The following HPSE2 variants were observed in gnomAD, a reference collection of about 807,000 sequenced individuals.
HPSE2 encodes the protein inactive heparanase-2.
In HPSE2, 38 loss-of-function variants were observed where a neutral mutation model predicts 60.5. That is an observed-to-expected ratio of 0.63 (90% confidence interval 0.48 to 0.82). HPSE2 has a LOEUF of 0.82. Among genes scored for constraint, HPSE2 ranks in the 40% least tolerant of loss-of-function variants. HPSE2 has a pLI of 0.00. For synonymous variants in HPSE2, 295 were observed against 293.2 expected, an observed-to-expected ratio of 1.01 and a Z score of -0.06; for missense variants, 713 against 740.4, an observed-to-expected ratio of 0.96 and a Z score of 0.43.
At chr10:99,272,998 C>T in the HPSE2 span, among the ~76,000 whole-genome samples, 2 of 152,158 alleles carry the variant, frequency 1.3e-5, no homozygotes, top group African/African-American at 4.8e-5. Flanking sequence ...TTCAAAATTG[C>T]AAAAATATGG....
intron 3 of HPSE2, among the ~76,000 whole-genome samples, chr10:98,859,471 G>A (rs1262240677): frequency 6.6e-6 from 1 of 152,094 alleles, no homozygotes; most frequent in African/African-American, 2.4e-5. Flanking sequence ...CACATATGTG[G>A]GCAGGCATCA....
At chr10:99,029,161 C>T (rs1175287262) in intron 3 of HPSE2, among the ~76,000 whole-genome samples, 2 of 152,092 alleles carry the variant, frequency 1.3e-5, no homozygotes, top group Admixed American at 1.3e-4. Flanking sequence ...AGATTCTGCA[C>T]AGCAAAGGAT....
intron 3 of HPSE2, among the ~76,000 whole-genome samples, chr10:98,744,537 A>C (rs1949580134): frequency 6.6e-6 from 1 of 152,030 alleles, no homozygotes; most frequent in Non-Finnish European, 1.5e-5. Context: ...CAAAAACAAA[A>C]CAAAACAAAA....
chr10:98,838,305 T>C (rs930813980), intron 3 of HPSE2, among the ~76,000 whole-genome samples: 9 of 152,202 alleles, frequency 5.9e-5, no homozygotes, highest in African/African-American at 2.2e-4. Context: ...ATAGTATGTA[T>C]CTCACCTGCT....
intron 3 of HPSE2, among the ~76,000 whole-genome samples, chr10:98,825,305 C>G (rs1433449776): frequency 6.6e-6 from 1 of 151,818 alleles, no homozygotes; most frequent in African/African-American, 2.4e-5. Flanking sequence ...GAGTGTAGAG[C>G]CAAAATGTGA....
chr10:99,086,198 A>G (rs1173884689), intron 3 of HPSE2, among the ~76,000 whole-genome samples: 1 of 152,180 alleles, frequency 6.6e-6, no homozygotes, highest in Non-Finnish European at 1.5e-5. Context: ...GTTAGGACTC[A>G]GTGTTTAGCC....
At chr10:98,521,000 T>TA (rs1351468719) in intron 9 of HPSE2, among the ~76,000 whole-genome samples, 1 of 152,216 alleles carries the variant, frequency 6.6e-6, no homozygotes, top group Non-Finnish European at 1.5e-5. Flanking sequence ...CAAGATGGAT[T>TA]AAAGACTTAA....
At chr10:99,311,484 C>G in the HPSE2 span, among the ~76,000 whole-genome samples, 1 of 152,156 alleles carries the variant, frequency 6.6e-6, no homozygotes, top group Non-Finnish European at 1.5e-5. Context: ...GATCTGTAAT[C>G]AGTAATCTCT....
chr10:99,292,471 C>T, the HPSE2 span, among the ~76,000 whole-genome samples: 2 of 152,080 alleles, frequency 1.3e-5, no homozygotes, highest in African/African-American at 4.8e-5. Context: ...ACCACATGCT[C>T]GGCACTGTGG....
At chr10:98,935,499 G>C (rs910240494) in intron 3 of HPSE2, among the ~76,000 whole-genome samples, 27 of 144,070 alleles carry the variant, frequency 1.9e-4, no homozygotes. Context: ...TGTTGATTTT[G>C]TTTTTGCTTT....
chr10:99,276,691 C>T, the HPSE2 span, among the ~76,000 whole-genome samples: 1 of 152,014 alleles, frequency 6.6e-6, no homozygotes, highest in East Asian at 1.9e-4. Flanking sequence ...ATATTGAGTT[C>T]TCTGCAGAGG....
chr10:99,104,262 T>C (rs1844144768), intron 3 of HPSE2, among the ~76,000 whole-genome samples: 1 of 152,148 alleles, frequency 6.6e-6, no homozygotes, highest in African/African-American at 2.4e-5. Context: ...ATCCAGGTTC[T>C]ACAAAGAACT....
At chr10:98,891,142 T>C (rs1217908437) in intron 3 of HPSE2, among the ~76,000 whole-genome samples, 1 of 152,146 alleles carries the variant, frequency 6.6e-6, no homozygotes, top group African/African-American at 2.4e-5. Flanking sequence ...AGAGTTTCTA[T>C]TTCTCAGAAT....
intron 3 of HPSE2, among the ~76,000 whole-genome samples, chr10:98,990,606 T>C (rs1564718431): frequency 6.6e-6 from 1 of 152,232 alleles, no homozygotes; most frequent in African/African-American, 2.4e-5. Flanking sequence ...AACAATGGTC[T>C]TTACCATGAA....
intron 6 of HPSE2, among the ~76,000 whole-genome samples, chr10:98,650,032 A>G (rs1946875877): frequency 6.6e-6 from 1 of 152,252 alleles, no homozygotes; most frequent in African/African-American, 2.4e-5. Context: ...CTGCCCAGGC[A>G]GAACCTACAT....
chr10:98,941,511 C>T (rs1955000366), intron 3 of HPSE2, among the ~76,000 whole-genome samples: 1 of 142,910 alleles, frequency 7.0e-6, no homozygotes, highest in East Asian at 2.0e-4. Context: ...ACCTAGGAGT[C>T]CAACCTACAA....
At chr10:98,910,983 G>C (rs1564649879) in intron 3 of HPSE2, among the ~76,000 whole-genome samples, 1 of 152,108 alleles carries the variant, frequency 6.6e-6, no homozygotes, top group Non-Finnish European at 1.5e-5. Flanking sequence ...ACTTTCTGAT[G>C]AAGAACATAA....
intron 3 of HPSE2, among the ~76,000 whole-genome samples, chr10:98,821,040 A>C (rs922811940): frequency 6.6e-6 from 1 of 152,210 alleles, no homozygotes. Flanking sequence ...TTCAAATCTA[A>C]GTGGCCAGCT....
intron 9 of HPSE2, among the ~76,000 whole-genome samples, chr10:98,563,083 T>C (rs1385294932): frequency 2.0e-5 from 3 of 152,206 alleles, no homozygotes; most frequent in Middle Eastern, 3.2e-3. Context: ...CTTAGATATA[T>C]ACCCAAGATG....
Sources: gnomAD v4.1 joint callset for allele counts (sites outside exome capture counted in the v4.1 genomes callset) on GRCh38, gnomAD v4.1.1 for gene constraint, MANE v1.5 for transcripts, NCBI Gene and HGNC (gene_info 2026-07-23, HGNC 2026-07-21) for gene names.